ADCK1: variants seen among roughly 807,000 people sequenced by gnomAD.
The protein encoded by ADCK1 is aarF domain-containing protein kinase 1.
A neutral mutation model predicts 52.3 loss-of-function variants in ADCK1; 41 were observed. The observed-to-expected ratio is 0.78, with a 90% CI of 0.61 to 1.02. ADCK1 has a LOEUF of 1.02. Ranked by LOEUF, ADCK1 falls within the 50% of genes least tolerant of loss-of-function variation. The pLI is 0.00. For missense variants in ADCK1, 658 were observed against 679.5 expected, an observed-to-expected ratio of 0.97 and a Z score of 0.35; for synonymous variants, 250 against 274.6, an observed-to-expected ratio of 0.91 and a Z score of 0.89.
At chr14:77,890,382 C>T (rs987984348) in intron 5 of ADCK1, among the ~76,000 whole-genome samples, 13 of 152,180 alleles carry the variant, frequency 8.5e-5, no homozygotes, top group African/African-American at 3.1e-4. Flanking sequence ...CGGCTGGGTT[C>T]TAAGAGCAAG....
intron 7 of ADCK1, among the ~76,000 whole-genome samples, chr14:77,915,946 C>T (rs1007535845): frequency 6.6e-5 from 10 of 152,128 alleles, no homozygotes; most frequent in African/African-American, 9.7e-5. Flanking sequence ...ACGCTTGGTA[C>T]GGTGCCAGGC....
intron 10 of ADCK1, among the ~76,000 whole-genome samples, chr14:77,932,549 G>C (rs7145542): frequency 6.6e-6 from 1 of 152,028 alleles, no homozygotes; most frequent in African/African-American, 2.4e-5. Context: ...CAGCCCTTCC[G>C]TGCTGGGAAT....
At chr14:77,900,070 C>CAAAAAA (rs751907850) in intron 6 of ADCK1, among the ~76,000 whole-genome samples, 9 of 67,072 alleles carry the variant, frequency 1.3e-4, no homozygotes, top group Non-Finnish European at 1.6e-4. Flanking sequence ...AACTCCGTCT[C>CAAAAAA]AAAAAAAAAA....
chr14:77,921,346 AAAG>A (rs1452732355), intron 7 of ADCK1, among the ~76,000 whole-genome samples: 11 of 149,164 alleles, frequency 7.4e-5, no homozygotes, highest in South Asian at 2.1e-4. Flanking sequence ...AAAAAAAAAA[AAAG>A]AAAAAAAAGT....
At chr14:77,857,137 G>C (rs1378263138) in intron 3 of ADCK1, among the ~76,000 whole-genome samples, 2 of 152,026 alleles carry the variant, frequency 1.3e-5, no homozygotes, top group Non-Finnish European at 2.9e-5. Flanking sequence ...GGTGTTCAGG[G>C]CTGCAGCAGT....
chr14:77,850,648 CTTTTTT>C (rs58373247), intron 3 of ADCK1, among the ~76,000 whole-genome samples: 1 of 107,990 alleles, frequency 9.3e-6, no homozygotes, highest in African/African-American at 3.7e-5. Context: ...CATGATATAT[CTTTTTT>C]TTTTTTTTTT....
intron 4 of ADCK1, among the ~76,000 whole-genome samples, chr14:77,862,220 C>G (rs1390343028): frequency 3.3e-5 from 5 of 152,306 alleles, no homozygotes; most frequent in Non-Finnish European, 7.3e-5. Flanking sequence ...TCCTGAAAGA[C>G]AGGTTCCAGG....
At chr14:77,858,668 C>G (rs2082476062) in intron 3 of ADCK1, among the ~76,000 whole-genome samples, 1 of 152,154 alleles carries the variant, frequency 6.6e-6, no homozygotes, top group Non-Finnish European at 1.5e-5. Flanking sequence ...ACGTAGCAAT[C>G]CAAACAAACA....
In ADCK1 at chr14:77,886,963, T is replaced by A. The variant is rs950170199; in HGVS notation, c.424-128T>A. 5.8e-5 allele frequency: 59 copies of A among 1,022,494 alleles called. No individual in the cohort carries two copies. In the African/African-American group the frequency reaches 8.2e-4, roughly 14 times the overall value. 63.3% of individuals were successfully genotyped at this position (1,022,494 alleles called of 1,614,324 possible). ...ACACGCACAACACACACACACACTC[T>A]CTCTCTCTTTCTCTCTCAAATCTGT... On this transcript the variant is annotated intron_variant, in intron 4 of 10. Coordinates refer to ENST00000238561, the MANE Select transcript of ADCK1 (RefSeq NM_020421.4).
chr14:77,877,689 C>T (rs2082930516), intron 4 of ADCK1, among the ~76,000 whole-genome samples: 1 of 152,234 alleles, frequency 6.6e-6, no homozygotes, highest in Admixed American at 6.5e-5. Context: ...GAAGGCTTCT[C>T]TACCTCCTGG....
chr14:77,831,794 T>C (rs1459663157), intron 3 of ADCK1, among the ~76,000 whole-genome samples: 1 of 152,090 alleles, frequency 6.6e-6, no homozygotes, highest in Non-Finnish European at 1.5e-5. Flanking sequence ...GTAGAGTGTT[T>C]TGGAGAAAAA....
At chr14:77,852,848 T>C (rs1214417724) in intron 3 of ADCK1, among the ~76,000 whole-genome samples, 1 of 127,156 alleles carries the variant, frequency 7.9e-6, no homozygotes, top group Non-Finnish European at 1.6e-5. Context: ...TAGTTTCTAT[T>C]GCCAGGTTTT....
chr14:77,871,991 C>T (rs931305460), intron 4 of ADCK1, among the ~76,000 whole-genome samples: 6 of 152,178 alleles, frequency 3.9e-5, no homozygotes, highest in Non-Finnish European at 8.8e-5. Context: ...AAGGGTCCTG[C>T]GCTTTTCACA....
At chr14:77,800,532 C>A (rs2139974615) in intron 1 of ADCK1, among the ~76,000 whole-genome samples, 1 of 152,376 alleles carries the variant, frequency 6.6e-6, no homozygotes. Context: ...ACGCCTTCAC[C>A]CCCTGGTGGC....
chr14:77,913,906 T>G (rs2083855662), intron 7 of ADCK1, among the ~76,000 whole-genome samples: 1 of 148,064 alleles, frequency 6.8e-6, no homozygotes, highest in South Asian at 2.1e-4. Flanking sequence ...GGACTTAGGT[T>G]CAGTCCCCTG....
At chr14:77,903,031 C>T (rs1236543554) in intron 6 of ADCK1, among the ~76,000 whole-genome samples, 4 of 152,244 alleles carry the variant, frequency 2.6e-5, no homozygotes, top group African/African-American at 9.6e-5. Context: ...ATCTCCTCTA[C>T]TGTTCCCATG....
intron 4 of ADCK1, among the ~76,000 whole-genome samples, chr14:77,882,436 C>T (rs1014911433): frequency 1.3e-5 from 2 of 152,330 alleles, no homozygotes; most frequent in South Asian, 2.1e-4. Context: ...CCAGACATTT[C>T]GGTGTTTGTG....
chr14:77,927,954 C>G (rs1203557684), intron 9 of ADCK1, among the ~76,000 whole-genome samples: 2 of 152,172 alleles, frequency 1.3e-5, no homozygotes, highest in African/African-American at 4.8e-5. Context: ...CAGGCTTGCT[C>G]TTTTTAAGTA....
At position 77,933,493 on chromosome 14, in the gene ADCK1, G is replaced by A; in HGVS notation, c.*102G>A. ...CATTTTTGCCACATCGTGGCCCGCA[G>A]CCCCAGAGTCACTGTCCATGTCACC... On this transcript the variant is annotated 3_prime_UTR_variant, in exon 11 of 11. Coordinates refer to ENST00000238561, the MANE Select transcript of ADCK1 (RefSeq NM_020421.4). 7 of 1,407,410 alleles carry A rather than the reference G, an allele frequency of 5.0e-6. No individual in the cohort carries two copies. The highest frequency in any genetic ancestry group is 6.9e-6 in the Non-Finnish European group (7 of 1,008,336). 87.2% of individuals were successfully genotyped at this position (1,407,410 alleles called of 1,614,324 possible).
Sources: allele counts gnomAD v4.1 joint callset (sites outside exome capture counted in the v4.1 genomes callset), GRCh38; gene constraint gnomAD v4.1.1; transcripts MANE v1.5; gene names NCBI Gene and HGNC (gene_info 2026-07-23, HGNC 2026-07-21).